Variants in JAML observed in about 807,000 individuals in gnomAD.
The protein encoded by JAML is junctional adhesion molecule-like.
JAML carries 25 observed loss-of-function variants against 39.3 expected under a neutral mutation model. That is an observed-to-expected ratio of 0.64 (90% CI 0.46 to 0.89). JAML has a LOEUF of 0.89. Ranked by LOEUF, JAML falls within the 40% of genes least tolerant of loss-of-function variation. The pLI is 0.00. For synonymous variants in JAML, 162 were observed against 179.2 expected, an observed-to-expected ratio of 0.90 and a Z score of 0.77; for missense variants, 440 against 486.9, an observed-to-expected ratio of 0.90 and a Z score of 0.91.
intron 6 of JAML, 38 bp from the exon 7 acceptor site, chr11:118,200,650 C>G: frequency 1.9e-6 from 3 of 1,613,012 alleles, no homozygotes; most frequent in African/African-American, 2.7e-5. Context: ...GGTCTCAATA[C>G]TTTAGCAAAG....
At chr11:118,220,972 C>T (rs572439220) in intron 1 of JAML, among the ~76,000 whole-genome samples, 12 of 152,214 alleles carry the variant, frequency 7.9e-5, no homozygotes, top group Non-Finnish European at 1.3e-4. Flanking sequence ...CAAAACAAAG[C>T]CAAGGGTGAC....
chr11:118,218,373 G>A (rs745774534), intron 1 of JAML, among the ~76,000 whole-genome samples: 14 of 152,312 alleles, frequency 9.2e-5, no homozygotes, highest in African/African-American at 2.2e-4. Flanking sequence ...GACTACAGGC[G>A]TGAGCTGCTA....
At chr11:118,208,389 C>T (rs1425073016) in intron 4 of JAML, among the ~76,000 whole-genome samples, 1 of 152,210 alleles carries the variant, frequency 6.6e-6, no homozygotes, top group East Asian at 1.9e-4. Flanking sequence ...ACTACAACTC[C>T]ATTTTTTAGA....
chr11:118,218,914 T>G (rs1949177481), intron 1 of JAML, among the ~76,000 whole-genome samples: 1 of 152,244 alleles, frequency 6.6e-6, no homozygotes, highest in African/African-American at 2.4e-5. Flanking sequence ...CAGATACTGA[T>G]TTATCTCCTC....
Position 118,200,454 on chromosome 11 carries a change from G to T in JAML, c.911+20C>A. ...TGCACCCCCAGCCTCCCAATCCAAGGGGTGGGGGTAGCCCTGTACCTCTTA... is the reference window on the plus strand; with the variant it reads ...TGCACCCCCAGCCTCCCAATCCAAGTGGTGGGGGTAGCCCTGTACCTCTTA... On this transcript the variant is annotated intron_variant, in intron 7 of 9. Transcript: ENST00000356289. 6.2e-7 allele frequency: 1 copy of T among 1,613,400 alleles called. No homozygotes were observed. The highest frequency in any genetic ancestry group is 8.5e-7 in the Non-Finnish European group (1 of 1,179,524).
intron 1 of JAML, among the ~76,000 whole-genome samples, chr11:118,220,971 G>C (rs1191197240): frequency 1.3e-5 from 2 of 152,148 alleles, no homozygotes; most frequent in Non-Finnish European, 2.9e-5. Flanking sequence ...GCAAAACAAA[G>C]CCAAGGGTGA....
chr11:118,200,692 G>T, intron 6 of JAML, 80 bp from the exon 7 acceptor site: 1 of 1,539,986 alleles, frequency 6.5e-7, no homozygotes. Flanking sequence ...ATACCAAGTA[G>T]CACCAGCCAG....
chr11:118,199,773 T>C (rs1948739298), intron 7 of JAML, among the ~76,000 whole-genome samples: 1 of 149,100 alleles, frequency 6.7e-6, no homozygotes, highest in South Asian at 2.1e-4. Flanking sequence ...CTCGGCTCAC[T>C]GCAAGCTCCA....
chr11:118,215,692 C>A (rs182053126), intron 1 of JAML, among the ~76,000 whole-genome samples: 241 of 152,062 alleles, frequency 1.6e-3, no homozygotes, highest in Admixed American at 2.7e-3. Context: ...TTTTTAAAGG[C>A]AGGGCAGTGT....
rs113886189 is a variant in JAML, at chr11:118,197,714, G to A, written c.1005+284C>T. On this transcript the variant is annotated intron_variant, in intron 8 of 9. Transcript: ENST00000356289. ...GTATCTTTATCTTTATCCTCATTTTGCTGATGAGACTCAGGGAGGTGGCAG... is the reference window on the plus strand; with the variant it reads ...GTATCTTTATCTTTATCCTCATTTTACTGATGAGACTCAGGGAGGTGGCAG... 2.9e-3 allele frequency: 1,021 copies of A among 350,140 alleles called. 8 individuals are homozygous for A. Among genetic ancestry groups the A allele is most frequent in the African/African-American group, 0.02 (922 of 46,816 alleles). The allele number at this position is 350,140 out of a possible 1,614,324, so 21.7% of individuals were successfully genotyped here.
At chr11:118,213,305 C>A (rs1949097259) in intron 2 of JAML, 2 of 1,046,102 alleles carry the variant, frequency 1.9e-6, no homozygotes, top group Non-Finnish European at 2.3e-6. Context: ...ACAACAAAAT[C>A]AAGAAAGATA....
chr11:118,216,834 T>C (rs151106624), intron 1 of JAML, among the ~76,000 whole-genome samples: 1 of 152,272 alleles, frequency 6.6e-6, no homozygotes, highest in East Asian at 1.9e-4. Context: ...CAAAAGAACC[T>C]CTAGTGAAAA....
Position 118,203,631 on chromosome 11 carries a change from C to T in JAML, c.569G>A (p.Arg190Lys), listed in dbSNP as rs756115852. The T allele has an allele frequency of 1.9e-6, 3 of 1,613,794 alleles. No individual in the cohort carries two copies. The African/African-American group carries it at 4.0e-5, about 22-fold the overall frequency. ...GCTCTGGGAGTACTCCACAGACATC[C>T]TGAGTTTGTGGTAGTAACGAAATAC... ...EIVFRYYHKL[R>K]MSVEYSQSWG... Residue 190 changes from arginine (R) to lysine (K), a missense_variant, in exon 6 of 10, where the codon AGG (arginine) becomes AAG (lysine). Coordinates refer to ENST00000356289, the MANE Select transcript of JAML (RefSeq NM_001098526.2).
chr11:118,199,305 G>T (rs944492634), intron 7 of JAML, among the ~76,000 whole-genome samples: 2 of 152,208 alleles, frequency 1.3e-5, no homozygotes, highest in Non-Finnish European at 2.9e-5. Flanking sequence ...GTGGAATCCA[G>T]GTTGTCTAGC....
At chr11:118,197,369 AT>A (rs1353669051) in intron 8 of JAML, 9 of 152,584 alleles carry the variant, frequency 5.9e-5, no homozygotes, top group Admixed American at 4.6e-4. Flanking sequence ...AAAGGTAACT[AT>A]TCAAAGAGTT....
chr11:118,215,834 A>G (rs1453840869), intron 1 of JAML, among the ~76,000 whole-genome samples: 3 of 152,052 alleles, frequency 2.0e-5, no homozygotes. Context: ...AACACCCCCA[A>G]ATTTTCTTAG....
In JAML at chr11:118,212,502, CCA is replaced by C; in HGVS notation, c.101_102del (p.Val34GlyfsTer2). On this transcript the variant is annotated frameshift_variant, in exon 3 of 10. Transcript: ENST00000356289. LOFTEE classifies it high-confidence loss of function. ...NVSPPELTVHVGDSALMGCVF... is the reference protein window; with the variant it reads ...NVSPPELTVHXGDSALMGCVF... ...ACACATCCCATCAGAGCTGAATCACCCACATGGACTGTTAGCTCAGGCGGGGA... is the reference window on the plus strand; with the variant it reads ...ACACATCCCATCAGAGCTGAATCACCCATGGACTGTTAGCTCAGGCGGGGA... The C allele has an allele frequency of 6.2e-7, 1 of 1,614,160 alleles. No homozygotes were observed. Among genetic ancestry groups the C allele is most frequent in the Non-Finnish European group, 8.5e-7 (1 of 1,180,014 alleles).
At chr11:118,223,671 T>C (rs955957055) in intron 1 of JAML, among the ~76,000 whole-genome samples, 1 of 152,156 alleles carries the variant, frequency 6.6e-6, no homozygotes, top group African/African-American at 2.4e-5. Flanking sequence ...TTAGAAATTT[T>C]GGAGTTATCA....
At chr11:118,198,669 A>C (rs1464834687) in intron 7 of JAML, among the ~76,000 whole-genome samples, 2 of 137,964 alleles carry the variant, frequency 1.4e-5, no homozygotes, top group Non-Finnish European at 3.1e-5. Flanking sequence ...GGCCTAAGTC[A>C]GAACTAAAAA....
Sources: allele counts gnomAD v4.1 joint callset (sites outside exome capture counted in the v4.1 genomes callset), GRCh38; gene constraint gnomAD v4.1.1; transcripts MANE v1.5; gene names NCBI Gene and HGNC (gene_info 2026-07-23, HGNC 2026-07-21).